HPGDS: variants seen among roughly 807,000 people sequenced by gnomAD.
HPGDS encodes the protein hematopoietic prostaglandin D synthase.
Under a neutral mutation model 23.1 loss-of-function variants are expected in HPGDS, and 26 were observed. That is an observed-to-expected ratio of 1.13 (90% confidence interval 0.83 to 1.56). The LOEUF (loss-of-function observed/expected upper bound fraction) is 1.56. HPGDS is among the 40% of genes most tolerant of loss of function. The pLI, the probability that HPGDS is intolerant of heterozygous loss-of-function variation, is 0.00. For missense variants in HPGDS, 268 were observed against 236.4 expected (o/e 1.13, Z -0.88); for synonymous variants, 95 against 77.9 (o/e 1.22, Z -1.16).
At chr4:94,334,148 G>C (rs1031020992) in intron 2 of HPGDS, 4 of 169,604 alleles carry the variant, frequency 2.4e-5, no homozygotes, top group African/African-American at 9.6e-5. Flanking sequence ...AGTTCTACTT[G>C]CTAGGGTCGT....
intron 2 of HPGDS, among the ~76,000 whole-genome samples, chr4:94,324,972 T>C (rs1404776706): frequency 6.6e-6 from 1 of 152,232 alleles, no homozygotes; most frequent in Non-Finnish European, 1.5e-5. Flanking sequence ...TTGATGTTGA[T>C]GCTATTCCTT....
chr4:94,327,980 A>G (rs1756670154), intron 2 of HPGDS, among the ~76,000 whole-genome samples: 2 of 152,200 alleles, frequency 1.3e-5, no homozygotes, highest in South Asian at 2.1e-4. Flanking sequence ...TGTAGGACAC[A>G]GCACAAACTT....
intron 2 of HPGDS, among the ~76,000 whole-genome samples, chr4:94,321,749 C>G (rs967306334): frequency 6.6e-6 from 1 of 152,200 alleles, no homozygotes; most frequent in African/African-American, 2.4e-5. Context: ...ATTGAATAAC[C>G]TTTATTTCTT....
intron 5 of HPGDS, among the ~76,000 whole-genome samples, chr4:94,300,113 A>T (rs184100382): frequency 6.6e-6 from 1 of 152,298 alleles, no homozygotes; most frequent in Admixed American, 6.5e-5. Flanking sequence ...ATTATTGAAG[A>T]TTTCACACTA....
chr4:94,299,629 A>G lies in HPGDS; in HGVS notation c.451T>C (p.Phe151Leu), dbSNP rs56161897. The change falls in exon 6 of 6, where the codon TTC becomes CTC. Residue 151 changes from phenylalanine (F) to leucine (L), a missense_variant. Physicochemically the swap from Phe to Leu is conservative, Grantham distance 22. Coordinates refer to ENST00000295256, the MANE Select transcript of HPGDS (RefSeq NM_014485.3). ...LIGNSVTWAD[F>L]YWEICSTTLL... ...GTGGTACTGCAAATCTCCCAGTAGAAGTCTGCCCAAGTTACCTAGTTTAAA... is the reference window on the plus strand; with the variant it reads ...GTGGTACTGCAAATCTCCCAGTAGAGGTCTGCCCAAGTTACCTAGTTTAAA... 4 of 1,613,916 alleles carry G rather than the reference A, an allele frequency of 2.5e-6. No homozygotes were observed. Among genetic ancestry groups the G allele is most frequent in the African/African-American group, 1.3e-5 (1 of 75,042 alleles).
At chr4:94,322,823 C>A (rs1756544485) in intron 2 of HPGDS, among the ~76,000 whole-genome samples, 1 of 152,052 alleles carries the variant, frequency 6.6e-6, no homozygotes, top group African/African-American at 2.4e-5. Flanking sequence ...TGTGTTTGCT[C>A]TTGCTTCTCT....
intron 4 of HPGDS, among the ~76,000 whole-genome samples, chr4:94,304,948 G>A (rs1756113534): frequency 6.6e-6 from 1 of 151,954 alleles, no homozygotes; most frequent in African/African-American, 2.4e-5. Context: ...CACATTAGGG[G>A]GGTGTTTGGT....
intron 3 of HPGDS, among the ~76,000 whole-genome samples, chr4:94,313,674 A>C (rs1756330809): frequency 6.6e-6 from 1 of 152,060 alleles, no homozygotes; most frequent in Non-Finnish European, 1.5e-5. Context: ...CCTGAATTTG[A>C]ATGTTGGCCT....
At chr4:94,332,368 G>C (rs1235859759) in intron 2 of HPGDS, among the ~76,000 whole-genome samples, 1 of 152,236 alleles carries the variant, frequency 6.6e-6, no homozygotes, top group African/African-American at 2.4e-5. Flanking sequence ...AACCAAAAAA[G>C]GCTGTCGCAC....
At chr4:94,307,960 G>A (rs954481734) in intron 4 of HPGDS, among the ~76,000 whole-genome samples, 8 of 152,104 alleles carry the variant, frequency 5.3e-5, no homozygotes. Flanking sequence ...GACTATGTAA[G>A]AGAAAAATTG....
At chr4:94,330,465 AGGT>A (rs1756715592) in intron 2 of HPGDS, among the ~76,000 whole-genome samples, 6 of 152,274 alleles carry the variant, frequency 3.9e-5, no homozygotes, top group Non-Finnish European at 7.4e-5. Flanking sequence ...TAAAGAAACT[AGGT>A]TTCTTTAAAT....
chr4:94,316,633 T>C (rs1171711810), intron 3 of HPGDS, among the ~76,000 whole-genome samples: 1 of 152,260 alleles, frequency 6.6e-6, no homozygotes, highest in Non-Finnish European at 1.5e-5. Context: ...TCTCTAATTC[T>C]CTTCCACCTG....
At position 94,299,397 on chromosome 4, in the gene HPGDS, T is replaced by C. The variant is rs1424539930; in HGVS notation, c.*83A>G. ...TGGAGCTGGGGAGGGAGCATGTGGA[T>C]TATCTGGCAGGCTGATGTAGCTGTC... On this transcript the variant is annotated 3_prime_UTR_variant, in exon 6 of 6. Transcript: ENST00000295256. 1.6e-6 allele frequency: 2 copies of C among 1,230,042 alleles called. No individual in the cohort carries two copies. The highest frequency in any genetic ancestry group is 4.9e-5 in the East Asian group (2 of 40,564). The allele number at this position is 1,230,042 out of a possible 1,614,324, so 76.2% of individuals were successfully genotyped here. A position where few individuals can be genotyped will look rare whatever the true frequency, so the allele number is the denominator to read the frequency against.
intron 5 of HPGDS, 150 bp downstream of exon 5, chr4:94,301,996 T>A (rs1756048987): frequency 2.2e-6 from 1 of 457,076 alleles, no homozygotes; most frequent in Non-Finnish European, 4.0e-6. Flanking sequence ...ATCTATTTTT[T>A]AAAAAGGTTT....
chr4:94,313,824 G>A (rs1756334094), intron 3 of HPGDS, among the ~76,000 whole-genome samples: 1 of 146,528 alleles, frequency 6.8e-6, no homozygotes, highest in Non-Finnish European at 1.5e-5. Context: ...TTTCTTGGAG[G>A]CTTTGTTCAT....
At chr4:94,311,214 C>T (rs541770443) in intron 3 of HPGDS, among the ~76,000 whole-genome samples, 1 of 152,158 alleles carries the variant, frequency 6.6e-6, no homozygotes, top group East Asian at 1.9e-4. Flanking sequence ...TGTCTTGTGC[C>T]AGTTTTCAAA....
At chr4:94,336,097 T>G (rs1721005488) in intron 1 of HPGDS, among the ~76,000 whole-genome samples, 1 of 151,542 alleles carries the variant, frequency 6.6e-6, no homozygotes, top group African/African-American at 2.4e-5. Flanking sequence ...TCCCAGCTAT[T>G]CAGGAGGCTG....
intron 2 of HPGDS, among the ~76,000 whole-genome samples, chr4:94,324,612 G>A (rs1038165718): frequency 6.6e-5 from 10 of 152,114 alleles, no homozygotes; most frequent in Non-Finnish European, 1.5e-5. Flanking sequence ...GCTCCATCAA[G>A]TCATTTAAGG....
At chr4:94,322,469 C>A (rs547691630) in intron 2 of HPGDS, among the ~76,000 whole-genome samples, 18 of 152,184 alleles carry the variant, frequency 1.2e-4, no homozygotes, top group Non-Finnish European at 2.4e-4. Context: ...AGGGATTCAA[C>A]TTCTTCCTGG....
Sources: allele counts gnomAD v4.1 joint callset (sites outside exome capture counted in the v4.1 genomes callset), GRCh38; gene constraint gnomAD v4.1.1; transcripts MANE v1.5; gene names NCBI Gene and HGNC (gene_info 2026-07-23, HGNC 2026-07-21).